The following ZBTB8A variants were observed in gnomAD, a reference collection of about 807,000 sequenced individuals.
ZBTB8A encodes the protein zinc finger and BTB domain containing 8A, also known as zinc finger and BTB domain-containing protein 8A.
Under a neutral mutation model 37.8 loss-of-function variants are expected in ZBTB8A, and 19 were observed. The ratio of observed to expected loss-of-function variants is 0.50; its 90% CI spans 0.35 to 0.74. The LOEUF (loss-of-function observed/expected upper bound fraction) is 0.74. ZBTB8A is among the 30% of genes least tolerant of loss of function. The pLI, the probability that ZBTB8A is intolerant of heterozygous loss-of-function variation, is 0.01. For synonymous variants in ZBTB8A, 181 were observed against 185.2 expected, an observed-to-expected ratio of 0.98 and a Z score of 0.19; for missense variants, 394 against 537.8, an observed-to-expected ratio of 0.73 and a Z score of 2.65.
intron 2 of ZBTB8A, among the ~76,000 whole-genome samples, chr1:32,580,059 G>A (rs1053474664): frequency 6.6e-6 from 1 of 151,882 alleles, no homozygotes; most frequent in African/African-American, 2.4e-5. Context: ...AAGGGTAGAT[G>A]GGACAACATT....
In ZBTB8A at chr1:32,600,153, G is replaced by C; in HGVS notation, c.1060G>C (p.Val354Leu). ...TCATGTGACAGATCTAACAGGGCAA[G>C]TGGTACAGGAGGGAACCAGGCGCTA... ...KRHVTDLTGQVVQEGTRRYRL... is the reference protein window; with the variant it reads ...KRHVTDLTGQLVQEGTRRYRL... Residue 354 changes from valine to leucine, a missense_variant, in exon 5 of 5, where the codon GTG (valine) becomes CTG (leucine). Val to Leu is a conservative substitution (Grantham distance 32). Coordinates refer to ENST00000373510, the MANE Select transcript of ZBTB8A (RefSeq NM_001040441.3). The C allele has an allele frequency of 1.2e-6, 2 of 1,614,220 alleles. No individual in the cohort carries two copies. The highest frequency in any genetic ancestry group is 1.7e-6 in the Non-Finnish European group (2 of 1,180,040).
intron 2 of ZBTB8A, among the ~76,000 whole-genome samples, chr1:32,592,637 G>A (rs954732371): frequency 2.0e-5 from 3 of 151,830 alleles, no homozygotes; most frequent in African/African-American, 4.8e-5. Context: ...CTCCTGAGTA[G>A]CTGGGATTAC....
intron 2 of ZBTB8A, among the ~76,000 whole-genome samples, chr1:32,571,369 C>T (rs987989293): frequency 6.6e-6 from 1 of 152,068 alleles, no homozygotes; most frequent in Non-Finnish European, 1.5e-5. Flanking sequence ...GAGGAAGTTT[C>T]CTTCTATTTC....
At chr1:32,560,551 A>G (rs1216141065) in intron 2 of ZBTB8A, among the ~76,000 whole-genome samples, 1 of 147,822 alleles carries the variant, frequency 6.8e-6, no homozygotes, top group Non-Finnish European at 1.5e-5. Context: ...CAGAAAACAG[A>G]CTCATACCAC....
intron 2 of ZBTB8A, among the ~76,000 whole-genome samples, chr1:32,583,187 C>G (rs2148242559): frequency 6.6e-6 from 1 of 151,868 alleles, no homozygotes; most frequent in African/African-American, 2.4e-5. Flanking sequence ...TTGGGACCAG[C>G]CTGGGAAACA....
chr1:32,594,662 G>A (rs892679374), intron 3 of ZBTB8A, among the ~76,000 whole-genome samples: 3 of 151,930 alleles, frequency 2.0e-5, no homozygotes, highest in African/African-American at 7.3e-5. Context: ...TCAGGAGCCT[G>A]AGGCAGAAGA....
chr1:32,588,255 T>C (rs1206051120), intron 2 of ZBTB8A, among the ~76,000 whole-genome samples: 1 of 151,990 alleles, frequency 6.6e-6, no homozygotes, highest in Non-Finnish European at 1.5e-5. Context: ...GCATCAGAAG[T>C]TGGGGGATGC....
intron 2 of ZBTB8A, among the ~76,000 whole-genome samples, chr1:32,577,586 CTT>C (rs775868211): frequency 2.3e-5 from 2 of 86,776 alleles, no homozygotes; most frequent in African/African-American, 4.8e-5. Flanking sequence ...ATATTGTATT[CTT>C]TTTTTTTTTT....
chr1:32,559,270 C>G (rs1234746847), intron 2 of ZBTB8A, among the ~76,000 whole-genome samples: 2 of 152,038 alleles, frequency 1.3e-5, no homozygotes, highest in African/African-American at 4.8e-5. Flanking sequence ...CGCCACCACA[C>G]CTGGCTAATT....
intron 1 of ZBTB8A, among the ~76,000 whole-genome samples, chr1:32,549,484 C>T (rs1644133635): frequency 6.8e-6 from 1 of 147,870 alleles, no homozygotes; most frequent in African/African-American, 2.5e-5. Context: ...ACGAGTAAAA[C>T]TCCGTCTCAA....
At chr1:32,587,202 G>T (rs1644456668) in intron 2 of ZBTB8A, among the ~76,000 whole-genome samples, 1 of 152,032 alleles carries the variant, frequency 6.6e-6, no homozygotes, top group Non-Finnish European at 1.5e-5. Flanking sequence ...TCACACCACT[G>T]CACTCCAACC....
chr1:32,578,113 C>T (rs966597505), intron 2 of ZBTB8A, among the ~76,000 whole-genome samples: 2 of 151,484 alleles, frequency 1.3e-5, no homozygotes, highest in African/African-American at 4.9e-5. Flanking sequence ...CTTGCTCTGT[C>T]GCCCAGGCTG....
chr1:32,572,511 T>G (rs1336055261), intron 2 of ZBTB8A, among the ~76,000 whole-genome samples: 2 of 152,036 alleles, frequency 1.3e-5, no homozygotes, highest in Non-Finnish European at 2.9e-5. Flanking sequence ...TTCTCATGTC[T>G]CAGCCTCCTG....
In ZBTB8A at chr1:32,605,271, G is replaced by A. The variant is rs1313253380; in HGVS notation, c.*4852G>A. ...GAAAGTTTTGTTATTTTATATAAGTGTATCAGTATTACTATTTATCATTTA... is the reference window on the plus strand; with the variant it reads ...GAAAGTTTTGTTATTTTATATAAGTATATCAGTATTACTATTTATCATTTA... On this transcript the variant is annotated 3_prime_UTR_variant, in exon 5 of 5. Transcript: ENST00000373510. The A allele has an allele frequency of 6.6e-6, 1 of 151,360 alleles. No homozygotes were observed. Among genetic ancestry groups the A allele is most frequent in the Non-Finnish European group, 1.5e-5 (1 of 67,888 alleles). 9.4% of individuals were successfully genotyped at this position (151,360 alleles called of 1,614,324 possible). A position where few individuals can be genotyped will look rare whatever the true frequency, so the allele number is the denominator to read the frequency against.
At chr1:32,543,780 C>T (rs575069704) in intron 1 of ZBTB8A, among the ~76,000 whole-genome samples, 60 of 152,036 alleles carry the variant, frequency 3.9e-4, no homozygotes, top group Admixed American at 9.8e-4. Context: ...GGGTTCACGC[C>T]ATTCTCCTGC....
At chr1:32,567,815 A>C (rs201774683) in intron 2 of ZBTB8A, among the ~76,000 whole-genome samples, 2,549 of 25,466 alleles carry the variant, frequency 0.1, 393 homozygotes, top group African/African-American at 0.25. Context: ...AAAAAAAAAA[A>C]AAAAAAAACA....
At chr1:32,567,684 C>T (rs930193800) in intron 2 of ZBTB8A, among the ~76,000 whole-genome samples, 2 of 144,332 alleles carry the variant, frequency 1.4e-5, no homozygotes, top group African/African-American at 2.6e-5. Context: ...CCCAGCTACT[C>T]GGGAGGCTGA....
At chr1:32,544,538 A>G (rs1644086265) in intron 1 of ZBTB8A, among the ~76,000 whole-genome samples, 1 of 152,242 alleles carries the variant, frequency 6.6e-6, no homozygotes, top group Non-Finnish European at 1.5e-5. Flanking sequence ...CTCCACTAAA[A>G]GTACAAAAAT....
intron 2 of ZBTB8A, among the ~76,000 whole-genome samples, chr1:32,559,449 G>A (rs1644226958): frequency 6.6e-6 from 1 of 150,794 alleles, no homozygotes. Flanking sequence ...AATCCTCAAG[G>A]TGACAGTATT....
Sources: gnomAD v4.1 joint callset for allele counts (sites outside exome capture counted in the v4.1 genomes callset) on GRCh38, gnomAD v4.1.1 for gene constraint, MANE v1.5 for transcripts, NCBI Gene and HGNC (gene_info 2026-07-23, HGNC 2026-07-21) for gene names.